PDE1A: variants seen among roughly 807,000 people sequenced by gnomAD.
PDE1A encodes the protein dual specificity calcium/calmodulin-dependent 3',5'-cyclic nucleotide phosphodiesterase 1A.
PDE1A carries 35 observed loss-of-function variants against 61.7 expected under a neutral mutation model. The observed-to-expected ratio is 0.57, with a 90% CI of 0.43 to 0.75. The LOEUF (loss-of-function observed/expected upper bound fraction) is 0.75. Among genes scored for constraint, PDE1A ranks in the 30% least tolerant of loss-of-function variants. The pLI is 0.00. For missense variants in PDE1A, 597 were observed against 630.6 expected, an observed-to-expected ratio of 0.95 and a Z score of 0.57; for synonymous variants, 232 against 213.2, an observed-to-expected ratio of 1.09 and a Z score of -0.77.
chr2:182,415,174 A>G (rs977066865), intron 1 of PDE1A, among the ~76,000 whole-genome samples: 1 of 152,098 alleles, frequency 6.6e-6, no homozygotes, highest in Admixed American at 6.6e-5. Flanking sequence ...TTATTCCTAA[A>G]AGAGAGAAAA....
chr2:182,456,039 C>G (rs1685897433), intron 2 of PDE1A, among the ~76,000 whole-genome samples: 1 of 151,966 alleles, frequency 6.6e-6, no homozygotes, highest in African/African-American at 2.4e-5. Context: ...CAAATTAACT[C>G]AAGAAAATTC....
At chr2:182,651,286 T>C in the PDE1A span, among the ~76,000 whole-genome samples, 1 of 152,182 alleles carries the variant, frequency 6.6e-6, no homozygotes, top group African/African-American at 2.4e-5. Context: ...GGATTACAGG[T>C]ATGAGCCACC....
chr2:182,532,008 G>A, the PDE1A span, among the ~76,000 whole-genome samples: 22 of 152,240 alleles, frequency 1.4e-4, no homozygotes, highest in African/African-American at 5.3e-4. Flanking sequence ...CTTCATCCAT[G>A]TCCCTGCAAA....
chr2:182,410,645 A>C (rs1372583676), intron 1 of PDE1A, among the ~76,000 whole-genome samples: 1 of 152,226 alleles, frequency 6.6e-6, no homozygotes, highest in African/African-American at 2.4e-5. Flanking sequence ...CTCAAACTCA[A>C]CCTCATCAAG....
the PDE1A span, among the ~76,000 whole-genome samples, chr2:182,601,953 C>T: frequency 7.9e-5 from 12 of 152,346 alleles, no homozygotes; most frequent in South Asian, 1.2e-3. Flanking sequence ...CACTCCATTC[C>T]GTGGGACTGG....
chr2:182,564,697 A>G, the PDE1A span, among the ~76,000 whole-genome samples: 4 of 152,076 alleles, frequency 2.6e-5, no homozygotes, highest in African/African-American at 9.7e-5. Flanking sequence ...CACCAATCAG[A>G]CGTAGATTTG....
chr2:182,266,093 C>A (rs1344470574), intron 1 of PDE1A, among the ~76,000 whole-genome samples: 1 of 152,166 alleles, frequency 6.6e-6, no homozygotes, highest in Non-Finnish European at 1.5e-5. Flanking sequence ...AAACGTCTTA[C>A]TCAGGAAGCT....
At chr2:182,589,105 T>C in the PDE1A span, among the ~76,000 whole-genome samples, 4 of 148,468 alleles carry the variant, frequency 2.7e-5, no homozygotes, top group African/African-American at 4.9e-5. Flanking sequence ...TAATGATCTT[T>C]TGACACAATT....
At chr2:182,568,475 G>A in the PDE1A span, among the ~76,000 whole-genome samples, 4 of 151,716 alleles carry the variant, frequency 2.6e-5, no homozygotes, top group Admixed American at 6.6e-5. Flanking sequence ...ACAGGAGATC[G>A]AGACAGCGGT....
At chr2:182,541,886 T>G in the PDE1A span, among the ~76,000 whole-genome samples, 1 of 152,110 alleles carries the variant, frequency 6.6e-6, no homozygotes, top group Admixed American at 6.6e-5. Flanking sequence ...AATTCCAAAT[T>G]AACTATTGTA....
chr2:182,309,416 A>T (rs1483747056), intron 1 of PDE1A, among the ~76,000 whole-genome samples: 1 of 152,122 alleles, frequency 6.6e-6, no homozygotes, highest in Non-Finnish European at 1.5e-5. Context: ...AACTTAAGGC[A>T]TCTCCATTTC....
At chr2:182,342,553 C>T (rs1698259576) in intron 1 of PDE1A, among the ~76,000 whole-genome samples, 3 of 152,122 alleles carry the variant, frequency 2.0e-5, no homozygotes, top group Non-Finnish European at 2.9e-5. Flanking sequence ...CGTGGTAACA[C>T]GTGCCTGTAG....
chr2:182,368,859 G>A (rs1440811393), intron 1 of PDE1A, among the ~76,000 whole-genome samples: 2 of 152,024 alleles, frequency 1.3e-5, no homozygotes, highest in Non-Finnish European at 2.9e-5. Context: ...TCCCTTCCTT[G>A]CCCATAGTGA....
chr2:182,380,402 G>T (rs190436350), intron 1 of PDE1A, among the ~76,000 whole-genome samples: 1 of 151,264 alleles, frequency 6.6e-6, no homozygotes, highest in Non-Finnish European at 1.5e-5. Flanking sequence ...GTGAGCCACC[G>T]CACCCAGCCC....
intron 13 of PDE1A, among the ~76,000 whole-genome samples, chr2:182,148,749 A>G (rs1690625859): frequency 6.6e-6 from 1 of 152,190 alleles, no homozygotes; most frequent in African/African-American, 2.4e-5. Flanking sequence ...TTAACTCTTT[A>G]GATCTCTCAG....
chr2:182,716,480 C>G, the PDE1A span: 1 of 152,498 alleles, frequency 6.6e-6, no homozygotes, highest in African/African-American at 2.4e-5. Flanking sequence ...CCCGCGATGG[C>G]AAGGTGGGCA....
chr2:182,380,288 T>A (rs1700655762), intron 1 of PDE1A, among the ~76,000 whole-genome samples: 1 of 151,818 alleles, frequency 6.6e-6, no homozygotes. Flanking sequence ...TTTTTTGTAT[T>A]TTTTTAGTAG....
intron 7 of PDE1A, among the ~76,000 whole-genome samples, chr2:182,220,109 T>C (rs2125591013): frequency 6.6e-6 from 1 of 152,178 alleles, no homozygotes; most frequent in South Asian, 2.1e-4. Context: ...TGAAATAATA[T>C]ATGTCTTTAA....
At chr2:182,455,482 C>A (rs930338640) in intron 2 of PDE1A, among the ~76,000 whole-genome samples, 1 of 152,032 alleles carries the variant, frequency 6.6e-6, no homozygotes, top group Non-Finnish European at 1.5e-5. Context: ...GCACTATTCA[C>A]AATAGCAAAG....
Sources: allele counts gnomAD v4.1 joint callset (sites outside exome capture counted in the v4.1 genomes callset), GRCh38; gene constraint gnomAD v4.1.1; transcripts MANE v1.5; gene names NCBI Gene and HGNC (gene_info 2026-07-23, HGNC 2026-07-21).